DLEU7: variants seen among roughly 807,000 people sequenced by gnomAD.
The protein encoded by DLEU7 is deleted in lymphocytic leukemia 7.
Under a neutral mutation model 16.0 loss-of-function variants are expected in DLEU7, and 17 were observed. The ratio of observed to expected loss-of-function variants is 1.06; its 90% confidence interval spans 0.73 to 1.59. DLEU7 has a LOEUF of 1.59. DLEU7 is among the 40% of genes most tolerant of loss of function. DLEU7 has a pLI of 0.00. For missense variants in DLEU7, 308 were observed against 314.9 expected (o/e 0.98, Z 0.17); for synonymous variants, 113 against 139.8 (o/e 0.81, Z 1.35).
chr13:50,831,559 G>C lies in DLEU7; in HGVS notation c.460-8039C>G, dbSNP rs371325548. Among the ~76,000 whole-genome samples the C allele has an allele frequency of 3.3e-5, 5 of 152,270 alleles. No individual in the cohort carries two copies. In the South Asian group the frequency reaches 8.3e-4, roughly 25 times the overall value. On this transcript the variant is annotated intron_variant, in intron 1 of 1. Transcript: ENST00000504404. Reference sequence around the variant, plus strand: ...TTGAATATGAGGACATGATTGTGTGGAAGGCCTTGAATGTCAGAGTAAAGT... The same window carrying C: ...TTGAATATGAGGACATGATTGTGTGCAAGGCCTTGAATGTCAGAGTAAAGT...
intron 1 of DLEU7, among the ~76,000 whole-genome samples, chr13:50,717,176 G>A (rs1487505568): frequency 6.6e-6 from 1 of 152,206 alleles, no homozygotes; most frequent in East Asian, 1.9e-4. Flanking sequence ...TATTCAAAAA[G>A]TGGTAGAGCC....
Position 50,823,154 on chromosome 13 carries a change from G to A in DLEU7, c.*160C>T, listed in dbSNP as rs17051450. 9,477 of 1,417,058 alleles carry A rather than the reference G, an allele frequency of 6.7e-3. 557 individuals are homozygous for A. In the African/African-American group the frequency reaches 0.12, roughly 17 times the overall value. The allele number at this position is 1,417,058 out of a possible 1,614,324, so 87.8% of individuals were successfully genotyped here. A position where few individuals can be genotyped will look rare whatever the true frequency, so the allele number is the denominator to read the frequency against. On this transcript the variant is annotated 3_prime_UTR_variant, in exon 2 of 2. Coordinates refer to ENST00000504404, the MANE Select transcript of DLEU7 (RefSeq NM_001306135.2). Reference sequence around the variant, plus strand: ...AATTTCATTAACATGCTATAATCCCGAAGGCTACAGATGCCACTGGTCAGA... The same window carrying A: ...AATTTCATTAACATGCTATAATCCCAAAGGCTACAGATGCCACTGGTCAGA...
intron 1 of DLEU7, among the ~76,000 whole-genome samples, chr13:50,831,318 A>G (rs1019643958): frequency 6.6e-6 from 1 of 152,152 alleles, no homozygotes. Context: ...CTTTTTGCAG[A>G]AGAGGGGAAT....
At chr13:50,767,435 G>A (rs1046339236) in intron 1 of DLEU7, among the ~76,000 whole-genome samples, 23 of 133,130 alleles carry the variant, frequency 1.7e-4, no homozygotes, top group South Asian at 2.6e-4. Flanking sequence ...CAGCCTGGGC[G>A]ACAGAGCGAG....
At chr13:50,752,340 C>T (rs914565468) in intron 1 of DLEU7, among the ~76,000 whole-genome samples, 9 of 152,166 alleles carry the variant, frequency 5.9e-5, no homozygotes, top group Admixed American at 2.6e-4. Flanking sequence ...TGTGAGCCAC[C>T]GTGCCAGGCC....
intron 1 of DLEU7, among the ~76,000 whole-genome samples, chr13:50,730,328 T>G (rs1259487025): frequency 6.6e-6 from 1 of 152,028 alleles, no homozygotes; most frequent in African/African-American, 2.4e-5. Context: ...AGAATGGTTG[T>G]GGTAGAGCAG....
intron 1 of DLEU7, among the ~76,000 whole-genome samples, chr13:50,717,157 C>A (rs1228365112): frequency 1.3e-5 from 2 of 152,200 alleles, no homozygotes; most frequent in African/African-American, 4.8e-5. Flanking sequence ...GAACTTGGCA[C>A]ACAGTGGGTA....
At chr13:50,767,120 T>C (rs1053745726) in intron 1 of DLEU7, among the ~76,000 whole-genome samples, 14 of 152,166 alleles carry the variant, frequency 9.2e-5, no homozygotes, top group Non-Finnish European at 1.6e-4. Context: ...ATCTATACAT[T>C]GAAGGCTGAA....
At chr13:50,751,760 A>G (rs1372537756) in intron 1 of DLEU7, among the ~76,000 whole-genome samples, 1 of 152,124 alleles carries the variant, frequency 6.6e-6, no homozygotes, top group African/African-American at 2.4e-5. Context: ...TTTGTATTTC[A>G]GCGATGTCAG....
chr13:50,807,065 AAAG>A (rs1466910733), intron 1 of DLEU7, among the ~76,000 whole-genome samples: 1 of 151,572 alleles, frequency 6.6e-6, no homozygotes, highest in East Asian at 1.9e-4. Context: ...AAACTTTAGT[AAAG>A]AAGTACTAAA....
At chr13:50,725,448 T>C (rs1180369494) in intron 1 of DLEU7, among the ~76,000 whole-genome samples, 3 of 152,314 alleles carry the variant, frequency 2.0e-5, no homozygotes, top group East Asian at 3.9e-4. Flanking sequence ...ACAGGCTCTG[T>C]GTGCATGGAG....
chr13:50,800,605 G>A (rs181823142), intron 1 of DLEU7, among the ~76,000 whole-genome samples: 8 of 152,170 alleles, frequency 5.3e-5, no homozygotes, highest in South Asian at 2.1e-4. Context: ...GGGTTTTCCC[G>A]CACATTAAAA....
intron 1 of DLEU7, among the ~76,000 whole-genome samples, chr13:50,713,825 C>T (rs944619016): frequency 3.3e-5 from 5 of 152,180 alleles, no homozygotes; most frequent in Admixed American, 1.3e-4. Flanking sequence ...GGCAGCAACA[C>T]GGGATGGGGA....
At chr13:50,812,923 T>C (rs1439423676) in intron 1 of DLEU7, 3 of 151,964 alleles carry the variant, frequency 2.0e-5, no homozygotes, top group Non-Finnish European at 2.9e-5. Context: ...AAGGTTTGAT[T>C]TGAGCTGTTG....
chr13:50,725,537 T>C (rs1873741210), intron 1 of DLEU7, among the ~76,000 whole-genome samples: 1 of 152,158 alleles, frequency 6.6e-6, no homozygotes, highest in African/African-American at 2.4e-5. Context: ...TAGCTATCTA[T>C]GAGATTACAA....
intron 1 of DLEU7, among the ~76,000 whole-genome samples, chr13:50,721,323 C>G (rs1034633000): frequency 6.6e-6 from 1 of 152,182 alleles, no homozygotes; most frequent in Non-Finnish European, 1.5e-5. Flanking sequence ...GGGACTGGGA[C>G]TGGTTTCCTT....
chr13:50,749,583 T>C (rs1456638858), intron 1 of DLEU7, among the ~76,000 whole-genome samples: 1 of 152,228 alleles, frequency 6.6e-6, no homozygotes, highest in African/African-American at 2.4e-5. Context: ...GATCACTGCA[T>C]CCATGCCAAC....
At chr13:50,819,337 G>A (rs1876827838), downstream of DLEU7, among the ~76,000 whole-genome samples, 1 of 152,148 alleles carries the variant, frequency 6.6e-6, no homozygotes, top group Non-Finnish European at 1.5e-5. Flanking sequence ...TCTTAGGTGT[G>A]TAGTAGGAGA....
At chr13:50,742,565 C>G (rs1286345384) in intron 1 of DLEU7, among the ~76,000 whole-genome samples, 1 of 152,008 alleles carries the variant, frequency 6.6e-6, no homozygotes, top group East Asian at 1.9e-4. Context: ...GGTTTGCAGC[C>G]CTGTTTTCTT....
Sources: allele counts gnomAD v4.1 joint callset (sites outside exome capture counted in the v4.1 genomes callset), GRCh38; gene constraint gnomAD v4.1.1; transcripts MANE v1.5; gene names NCBI Gene and HGNC (gene_info 2026-07-23, HGNC 2026-07-21).